COL23A1: variants seen among roughly 807,000 people sequenced by gnomAD.
The protein encoded by COL23A1 is collagen type XXIII alpha 1 chain.
COL23A1 carries 97 observed loss-of-function variants against 99.3 expected under a neutral mutation model. The ratio of observed to expected loss-of-function variants is 0.98; its 90% CI spans 0.83 to 1.16. COL23A1 has a LOEUF of 1.16. COL23A1 is among the 50% of genes most tolerant of loss of function. COL23A1 has a pLI of 0.00. For synonymous variants in COL23A1, 320 were observed against 308.2 expected (o/e 1.04, Z -0.40); for missense variants, 762 against 757.4 (o/e 1.01, Z -0.07).
intron 1 of COL23A1, 93 bp from the exon 2 acceptor site, chr5:178,560,841 T>A: frequency 8.1e-7 from 1 of 1,239,840 alleles, no homozygotes; most frequent in Non-Finnish European, 1.1e-6. Context: ...AAAACAAATG[T>A]ATCTAAACCA....
intron 2 of COL23A1, among the ~76,000 whole-genome samples, chr5:178,429,392 G>A (rs187898114): frequency 6.4e-4 from 97 of 152,314 alleles, no homozygotes; most frequent in Admixed American, 9.8e-4. Context: ...CGGTGTGAAA[G>A]AAAAACAAAA....
At chr5:178,343,223 C>T (rs114474858) in intron 2 of COL23A1, among the ~76,000 whole-genome samples, 3,040 of 152,204 alleles carry the variant, frequency 0.02, 36 homozygotes, top group South Asian at 0.043. Context: ...GATCAGATTC[C>T]GAAGCGAAGA....
chr5:178,277,784 A>G (rs1283457363), intron 5 of COL23A1, among the ~76,000 whole-genome samples: 2 of 152,212 alleles, frequency 1.3e-5, no homozygotes, highest in African/African-American at 4.8e-5. Flanking sequence ...CCGATCCCAA[A>G]AATACCTGCT....
At chr5:178,503,148 G>A (rs960062560) in intron 2 of COL23A1, among the ~76,000 whole-genome samples, 8 of 152,206 alleles carry the variant, frequency 5.3e-5, no homozygotes, top group Non-Finnish European at 8.8e-5. Context: ...TTGGGAGGCC[G>A]AGGCGGGTGG....
rs113165943 is a variant in COL23A1, at chr5:178,338,664, T to C, written c.362-31745A>G. Among the ~76,000 whole-genome samples, 1,084 of 138,160 alleles carry C rather than the reference T, an allele frequency of 7.8e-3. 19 individuals are homozygous for C. Among genetic ancestry groups the C allele is most frequent in the African/African-American group, 0.028 (1,030 of 36,930 alleles). The allele number at this position is 138,160 out of a possible 152,430, so 90.6% of individuals were successfully genotyped here. On this transcript the variant is annotated intron_variant, in intron 2 of 28. Transcript: ENST00000390654. ...GTTGCTCCTGGGTCACTGGCCAGCA[T>C]CGGGTAGAGAAGTCGGCTTGTGTTT...
At chr5:178,392,344 C>G (rs1433204482) in intron 2 of COL23A1, among the ~76,000 whole-genome samples, 2 of 152,116 alleles carry the variant, frequency 1.3e-5, no homozygotes, top group African/African-American at 4.8e-5. Flanking sequence ...AGCACACTCA[C>G]CTTATTTATA....
intron 2 of COL23A1, among the ~76,000 whole-genome samples, chr5:178,404,304 C>CCAATAGAAGA (rs1300033940): frequency 6.6e-6 from 1 of 152,132 alleles, no homozygotes; most frequent in Non-Finnish European, 1.5e-5. Flanking sequence ...CAATGAAGGA[C>CCAATAGAAGA]CACAGTCCAA....
intron 7 of COL23A1, 43 bp from the exon 8 acceptor site, chr5:178,267,376 C>T (rs374916845): frequency 2.6e-5 from 42 of 1,604,548 alleles, no homozygotes; most frequent in Admixed American, 1.7e-4. Context: ...CTGCTTTCAT[C>T]GTTTCTTCAC....
At chr5:178,238,755 C>G in intron 28 of COL23A1, 55 bp from the exon 29 acceptor site, 2 of 1,611,736 alleles carry the variant, frequency 1.2e-6, no homozygotes, top group Non-Finnish European at 1.7e-6. Context: ...GCTCCGCCCC[C>G]ATCCAGGCCA....
intron 1 of COL23A1, chr5:178,562,639 CAA>C (rs975150470): frequency 1.3e-5 from 2 of 151,206 alleles, no homozygotes; most frequent in African/African-American, 4.9e-5. Context: ...GACACTGACA[CAA>C]AGAGTGAGCA....
intron 2 of COL23A1, among the ~76,000 whole-genome samples, chr5:178,494,760 C>T (rs1378814897): frequency 1.3e-5 from 2 of 152,186 alleles, no homozygotes; most frequent in African/African-American, 2.4e-5. Flanking sequence ...CTTCAAACAG[C>T]CCCTTTCCAC....
At chr5:178,438,617 C>G (rs1488358242) in intron 2 of COL23A1, 1 of 151,996 alleles carries the variant, frequency 6.6e-6, no homozygotes. Flanking sequence ...TTATGTAAAC[C>G]AGATGGGTTT....
intron 2 of COL23A1, among the ~76,000 whole-genome samples, chr5:178,392,968 G>C (rs1764045097): frequency 6.6e-6 from 1 of 152,154 alleles, no homozygotes; most frequent in Admixed American, 6.5e-5. Context: ...TCCCTCACTG[G>C]GTGCTCAAAA....
chr5:178,378,902 T>C (rs1763224710), intron 2 of COL23A1, among the ~76,000 whole-genome samples: 1 of 152,196 alleles, frequency 6.6e-6, no homozygotes, highest in African/African-American at 2.4e-5. Flanking sequence ...CCCATCCTTC[T>C]CTTATTTGGA....
chr5:178,575,338 G>A (rs928664169), intron 1 of COL23A1, among the ~76,000 whole-genome samples: 1 of 152,138 alleles, frequency 6.6e-6, no homozygotes, highest in East Asian at 1.9e-4. Flanking sequence ...AGCTTCGCTC[G>A]TGTAGGGAAT....
intron 2 of COL23A1, among the ~76,000 whole-genome samples, chr5:178,333,636 C>T (rs115477123): frequency 0.025 from 3,834 of 152,254 alleles, 62 homozygotes; most frequent in South Asian, 0.085. Context: ...CCCCTGCACA[C>T]CCTTCCATCC....
At chr5:178,257,420 A>T in intron 13 of COL23A1, 103 bp downstream of exon 13, 1 of 1,362,428 alleles carries the variant, frequency 7.3e-7, no homozygotes, top group Non-Finnish European at 1.0e-6. Flanking sequence ...GCACTGGCCT[A>T]GGAACCCGTG....
At chr5:178,349,791 G>C (rs1223601905) in intron 2 of COL23A1, among the ~76,000 whole-genome samples, 2 of 152,194 alleles carry the variant, frequency 1.3e-5, no homozygotes, top group Non-Finnish European at 2.9e-5. Flanking sequence ...TGAGAGTGGG[G>C]GGAGGTCTGT....
At chr5:178,449,165 C>T (rs2127859271) in intron 2 of COL23A1, among the ~76,000 whole-genome samples, 1 of 152,144 alleles carries the variant, frequency 6.6e-6, no homozygotes, top group Non-Finnish European at 1.5e-5. Flanking sequence ...AATATATTTC[C>T]ATTGTGTATA....
Sources: allele counts gnomAD v4.1 joint callset (sites outside exome capture counted in the v4.1 genomes callset), GRCh38; gene constraint gnomAD v4.1.1; transcripts MANE v1.5; gene names NCBI Gene and HGNC (gene_info 2026-07-23, HGNC 2026-07-21).